GPM6A: variants seen among roughly 807,000 people sequenced by gnomAD.
GPM6A encodes neuronal membrane glycoprotein M6-a.
GPM6A carries 7 observed loss-of-function variants against 32.1 expected under a neutral mutation model. The observed-to-expected ratio is 0.22, with a 90% CI of 0.12 to 0.41. The LOEUF is 0.41. GPM6A is among the 10% of genes least tolerant of loss of function. The pLI is 1.00. For synonymous variants in GPM6A, 130 were observed against 123.4 expected, an observed-to-expected ratio of 1.05 and a Z score of -0.35; for missense variants, 235 against 347.2, an observed-to-expected ratio of 0.68 and a Z score of 2.57.
chr4:175,856,857 G>C (rs905393401), intron 1 of GPM6A, among the ~76,000 whole-genome samples: 6 of 152,130 alleles, frequency 3.9e-5, no homozygotes, highest in South Asian at 2.1e-4. Flanking sequence ...TGGGTACAGA[G>C]TTGGGGGCAT....
chr4:175,928,645 A>G (rs1264673913), intron 1 of GPM6A, among the ~76,000 whole-genome samples: 2 of 152,232 alleles, frequency 1.3e-5, no homozygotes, highest in Admixed American at 1.3e-4. Flanking sequence ...CCTGGCTGGC[A>G]TGTGGTGGGC....
At chr4:175,999,068 G>C (rs1741397903) in intron 1 of GPM6A, among the ~76,000 whole-genome samples, 1 of 152,120 alleles carries the variant, frequency 6.6e-6, no homozygotes. Context: ...CTCCAAGACA[G>C]GTTCAGTACC....
chr4:175,779,002 T>G (rs1216181359), intron 1 of GPM6A, among the ~76,000 whole-genome samples: 2 of 152,072 alleles, frequency 1.3e-5, no homozygotes, highest in African/African-American at 4.8e-5. Context: ...AAATTTATTG[T>G]ATAACATTTG....
At chr4:175,665,800 T>G (rs1742719089) in intron 3 of GPM6A, among the ~76,000 whole-genome samples, 1 of 151,698 alleles carries the variant, frequency 6.6e-6, no homozygotes, top group African/African-American at 2.4e-5. Context: ...AAAGGCATCA[T>G]CTTAGTAGAA....
intron 1 of GPM6A, among the ~76,000 whole-genome samples, chr4:175,937,232 T>A (rs1311898143): frequency 1.3e-5 from 2 of 152,132 alleles, no homozygotes; most frequent in Non-Finnish European, 2.9e-5. Flanking sequence ...CATATGTGCA[T>A]TCAAGGGCAA....
intron 1 of GPM6A, among the ~76,000 whole-genome samples, chr4:175,771,849 GCCTTGCCATAGTCTGATCAAAT>G (rs1733205483): frequency 6.6e-6 from 1 of 152,150 alleles, no homozygotes; most frequent in South Asian, 2.1e-4. Context: ...GGGCTGCTTT[GCCTTGCCATAGTCTGATCAAAT>G]CCACTGACTA....
At chr4:175,914,011 G>A (rs763890905) in intron 1 of GPM6A, among the ~76,000 whole-genome samples, 4 of 152,148 alleles carry the variant, frequency 2.6e-5, no homozygotes, top group African/African-American at 4.8e-5. Context: ...TTTTGCCAAG[G>A]TTGAAGGCCT....
chr4:175,695,968 A>T (rs1744556797), intron 2 of GPM6A, among the ~76,000 whole-genome samples: 1 of 152,076 alleles, frequency 6.6e-6, no homozygotes, highest in African/African-American at 2.4e-5. Context: ...TGAGTGAGTG[A>T]GTTGTTGTGA....
At chr4:175,762,046 G>A (rs1488481971) in intron 1 of GPM6A, among the ~76,000 whole-genome samples, 1 of 152,002 alleles carries the variant, frequency 6.6e-6, no homozygotes, top group Non-Finnish European at 1.5e-5. Flanking sequence ...CAGCCACCTC[G>A]GCTTCCCAAA....
intron 1 of GPM6A, among the ~76,000 whole-genome samples, chr4:175,876,637 A>G (rs1737092771): frequency 6.6e-6 from 1 of 152,162 alleles, no homozygotes; most frequent in South Asian, 2.1e-4. Flanking sequence ...AGATCACACT[A>G]AAGAGACCTG....
At chr4:175,702,754 A>G (rs1370197295) in intron 1 of GPM6A, among the ~76,000 whole-genome samples, 1 of 152,118 alleles carries the variant, frequency 6.6e-6, no homozygotes. Context: ...TGACCTCAAA[A>G]CTCAGTGAAC....
intron 3 of GPM6A, among the ~76,000 whole-genome samples, chr4:175,670,174 CTT>C (rs1742974626): frequency 6.6e-6 from 1 of 152,124 alleles, no homozygotes; most frequent in East Asian, 1.9e-4. Context: ...TTATTTAACT[CTT>C]AGAGCAGGTA....
chr4:175,862,019 G>A (rs916161995), intron 1 of GPM6A, among the ~76,000 whole-genome samples: 13 of 152,204 alleles, frequency 8.5e-5, no homozygotes, highest in East Asian at 3.9e-4. Flanking sequence ...CTGACATAGC[G>A]TGTACATTAA....
chr4:175,655,895 G>A (rs1356045678), intron 3 of GPM6A, among the ~76,000 whole-genome samples: 3 of 152,034 alleles, frequency 2.0e-5, no homozygotes. Flanking sequence ...GGAAATGTAA[G>A]CAGTAACTCA....
Position 175,804,914 on chromosome 4 carries a change from G to T in GPM6A, c.37+7277C>A, listed in dbSNP as rs527237850. Among the ~76,000 whole-genome samples the T allele has an allele frequency of 2.8e-3, 431 of 152,086 alleles. 2 individuals are homozygous for T. The highest frequency in any genetic ancestry group is 5.0e-3 in the Non-Finnish European group (339 of 67,980). ...CAAAAAATTAGCTGGGTGTGGTGGC[G>T]GGCGCCTGTAGTCCCAGCTATTCGG... is the stretch of plus-strand genomic sequence containing the variant. On this transcript the variant is annotated intron_variant, in intron 1 of 6. Coordinates refer to ENST00000393658, the MANE Select transcript of GPM6A (RefSeq NM_201591.3).
At chr4:175,827,098 C>T (rs946781648) in intron 1 of GPM6A, among the ~76,000 whole-genome samples, 7 of 152,088 alleles carry the variant, frequency 4.6e-5, no homozygotes, top group East Asian at 1.9e-4. Context: ...ATTTTACAGA[C>T]GAGGAAAATG....
intron 2 of GPM6A, 53 bp downstream of exon 2, chr4:175,701,522 T>C (rs1181490119): frequency 1.5e-5 from 19 of 1,301,630 alleles, no homozygotes; most frequent in South Asian, 8.6e-5. Context: ...ATTTAACACA[T>C]AGAAGTGTAA....
chr4:175,909,526 A>G (rs974656446), intron 1 of GPM6A, among the ~76,000 whole-genome samples: 4 of 152,172 alleles, frequency 2.6e-5, no homozygotes, highest in Non-Finnish European at 5.9e-5. Context: ...TGATAGAAGA[A>G]TGAAAGAAGC....
Position 175,980,674 on chromosome 4 carries a change from T to C in GPM6A, c.-23+21635A>G, listed in dbSNP as rs569109953. 2.4e-4 allele frequency among the ~76,000 whole-genome samples: 36 copies of C among 152,332 alleles called. 1 individual carries two copies. In the South Asian group the frequency reaches 5.2e-3, roughly 22 times the overall value. ...TAGAATCAAGACAGGTTTTTGAAAG[T>C]ATGTTTCTCAAATTTGAAAAAATGT... On this transcript the variant is annotated intron_variant, in intron 1 of 7. Coordinates refer to the GPM6A transcript ENST00000280187.
Sources: gnomAD v4.1 joint callset for allele counts (sites outside exome capture counted in the v4.1 genomes callset) on GRCh38, gnomAD v4.1.1 for gene constraint, MANE v1.5 for transcripts, NCBI Gene and HGNC (gene_info 2026-07-23, HGNC 2026-07-21) for gene names.